ZNF701: variants seen among roughly 807,000 people sequenced by gnomAD.
The protein encoded by ZNF701 is zinc finger protein 701.
ZNF701 carries 6 observed loss-of-function variants against 7.1 expected under a neutral mutation model. That is an observed-to-expected ratio of 0.84 (90% CI 0.46 to 1.66). ZNF701 has a LOEUF of 1.66. Among genes scored for constraint, ZNF701 ranks in the 40% most tolerant of loss-of-function variants. The pLI is 0.01. For synonymous variants in ZNF701, 166 were observed against 188.2 expected (o/e 0.88, Z 0.97); for missense variants, 541 against 559.2 (o/e 0.97, Z 0.33).
the ZNF701 span, among the ~76,000 whole-genome samples, chr19:52,594,492 C>T: frequency 1.4e-5 from 2 of 148,134 alleles, no homozygotes; most frequent in East Asian, 4.0e-4. Flanking sequence ...CCGCACCTGG[C>T]CTTTTGTTCT....
At chr19:52,594,838 A>G in the ZNF701 span, among the ~76,000 whole-genome samples, 1 of 152,192 alleles carries the variant, frequency 6.6e-6, no homozygotes, top group African/African-American at 2.4e-5. Flanking sequence ...GGAGCATCAC[A>G]GAAGCATCTT....
intron 2 of ZNF701, among the ~76,000 whole-genome samples, chr19:52,574,937 A>C (rs1208507862): frequency 6.8e-6 from 1 of 147,462 alleles, no homozygotes; most frequent in East Asian, 1.9e-4. Context: ...CTCTTCAGTT[A>C]AACAAAATTT....
chr19:52,586,584 A>G lies in ZNF701; in HGVS notation c.*3127A>G, dbSNP rs910744903. On this transcript the variant is annotated 3_prime_UTR_variant, in exon 4 of 4. Coordinates refer to ENST00000391785, the MANE Select transcript of ZNF701 (RefSeq NM_018260.3). ...CTGGCATTTTGTAGAAGGATGGCCA[A>G]CGCAGCCTGTTGACCCTTCCTGGCC... The G allele has an allele frequency of 6.6e-6, 1 of 152,054 alleles. No homozygotes were observed. Among genetic ancestry groups the G allele is most frequent in the South Asian group, 2.1e-4 (1 of 4,814 alleles). 9.4% of individuals were successfully genotyped at this position (152,054 alleles called of 1,614,324 possible).
chr19:52,583,309 A>C lies in ZNF701; in HGVS notation c.1250A>C (p.Lys417Thr), dbSNP rs148924371. ...CGTTACAAGTGTAATGAATGTGGCA[A>C]GGTTTTTAATCACAAATCAAACCTT... is the stretch of plus-strand genomic sequence containing the variant. The part of the protein sequence containing the change: ...EKRYKCNECG[K>T]VFNHKSNLAC... The change falls in exon 4 of 4, where the codon AAG becomes ACG. Residue 417 changes from lysine to threonine, a missense_variant. Coordinates refer to ENST00000391785, the MANE Select transcript of ZNF701 (RefSeq NM_018260.3). 6.2e-7 allele frequency: 1 copy of C among 1,605,086 alleles called. No homozygotes were observed. Among genetic ancestry groups the C allele is most frequent in the Non-Finnish European group, 8.5e-7 (1 of 1,172,430 alleles).
At chr19:52,577,515 A>G (rs1019919513) in intron 3 of ZNF701, among the ~76,000 whole-genome samples, 2 of 151,700 alleles carry the variant, frequency 1.3e-5, no homozygotes, top group South Asian at 2.1e-4. Flanking sequence ...AGCTTTTAAT[A>G]TTACTCTTTG....
chr19:52,583,412 A>C lies in ZNF701; in HGVS notation c.1353A>C (p.Ser451=). 1 of 1,613,752 alleles carries C rather than the reference A, an allele frequency of 6.2e-7. No homozygotes were observed. Residue 451 remains serine, a synonymous_variant, in exon 4 of 4, where the codon TCA becomes TCC. Coordinates refer to ENST00000391785, the MANE Select transcript of ZNF701 (RefSeq NM_018260.3). Reference sequence around the variant, plus strand: ...GTGGCAAGGTTTTTAATCGAAAATCAAACCTTGAACGTCATCATAGACTTC... The same window carrying C: ...GTGGCAAGGTTTTTAATCGAAAATCCAACCTTGAACGTCATCATAGACTTC... ...NECGKVFNRK[S]NLERHHRLHT...
rs905693440 is a variant in ZNF701, at chr19:52,586,037, T to G, written c.*2580T>G. 4.5e-4 allele frequency: 67 copies of G among 149,732 alleles called. No homozygotes were observed. The highest frequency in any genetic ancestry group is 1.7e-3 in the African/African-American group (67 of 39,478). 9.3% of individuals were successfully genotyped at this position (149,732 alleles called of 1,614,324 possible). A position where few individuals can be genotyped will look rare whatever the true frequency, so the allele number is the denominator to read the frequency against. On this transcript the variant is annotated 3_prime_UTR_variant, in exon 4 of 4. Coordinates refer to ENST00000391785, the MANE Select transcript of ZNF701 (RefSeq NM_018260.3). ...CCCAGGACCCATGTGGTTTTTTTTGTTTTTGTTTTTGTTTTTTTGATGGAG... is the reference window on the plus strand; with the variant it reads ...CCCAGGACCCATGTGGTTTTTTTTGGTTTTGTTTTTGTTTTTTTGATGGAG...
downstream of ZNF701, among the ~76,000 whole-genome samples, chr19:52,587,760 C>A: frequency 6.6e-6 from 1 of 152,202 alleles, no homozygotes; most frequent in East Asian, 1.9e-4. Flanking sequence ...AGGCATTTTG[C>A]AAATATATCT....
chr19:52,576,517 G>A (rs2059935306), intron 3 of ZNF701, among the ~76,000 whole-genome samples: 1 of 152,102 alleles, frequency 6.6e-6, no homozygotes, highest in African/African-American at 2.4e-5. Flanking sequence ...TCCAGCCTGG[G>A]CAACAGAGCA....
At chr19:52,596,089 A>G in the ZNF701 span, 1 of 1,138,712 alleles carries the variant, frequency 8.8e-7, no homozygotes, top group South Asian at 1.3e-5. Flanking sequence ...CACAAATACA[A>G]GAAGTACACA....
rs185351062 is a variant in ZNF701, at chr19:52,571,492, A to G, written c.-72+1162A>G. 8.8e-4 allele frequency among the ~76,000 whole-genome samples: 134 copies of G among 152,238 alleles called. 1 individual carries two copies. The highest frequency in any genetic ancestry group is 3.5e-4 in the Non-Finnish European group (24 of 68,018). On this transcript the variant is annotated intron_variant, in intron 1 of 3. Coordinates refer to ENST00000391785, the MANE Select transcript of ZNF701 (RefSeq NM_018260.3). ...AGAATTGGGGAGAAGGAGCAACAAG[A>G]GATTAAATAAGACGTGAGGATGGAG... is the stretch of plus-strand genomic sequence containing the variant.
chr19:52,583,089 C>T lies in ZNF701; in HGVS notation c.1030C>T (p.His344Tyr). The change falls in exon 4 of 4, where the codon CAT becomes TAT. Residue 344 changes from histidine to tyrosine, a missense_variant. Coordinates refer to ENST00000391785, the MANE Select transcript of ZNF701 (RefSeq NM_018260.3). ...VFSRKSHLER[H>Y]RRIHTGEKPY... ...CAGTCGCAAATCACACCTTGAAAGA[C>T]ATAGGAGAATTCACACTGGAGAGAA... 6.2e-7 allele frequency: 1 copy of T among 1,613,638 alleles called. No individual in the cohort carries two copies. Among genetic ancestry groups the T allele is most frequent in the Non-Finnish European group, 8.5e-7 (1 of 1,179,846 alleles).
chr19:52,595,740 A>G, the ZNF701 span: 1 of 1,579,164 alleles, frequency 6.3e-7, no homozygotes, highest in Non-Finnish European at 8.7e-7. Flanking sequence ...TGCTTCCCAG[A>G]AATCAAGAAA....
downstream of ZNF701, among the ~76,000 whole-genome samples, chr19:52,591,461 G>GTGAGCC (rs1210826502): frequency 6.6e-6 from 1 of 152,142 alleles, no homozygotes; most frequent in African/African-American, 2.4e-5. Flanking sequence ...GATTACAGGT[G>GTGAGCC]TGAGCCCCAA....
Position 52,582,610 on chromosome 19 carries a change from C to G in ZNF701, c.551C>G (p.Pro184Arg). Residue 184 changes from proline (P) to arginine (R), a missense_variant, in exon 4 of 4, where the codon CCA becomes CGA. Transcript: ENST00000391785. ...VSASQRISCR[P>R]KTRISNKYRN... Reference sequence around the variant, plus strand: ...GCATCCCAACGAATTTCCTGTAGGCCAAAAACTCGTATTTCTAATAAGTAT... The same window carrying G: ...GCATCCCAACGAATTTCCTGTAGGCGAAAAACTCGTATTTCTAATAAGTAT... 6.2e-7 allele frequency: 1 copy of G among 1,614,112 alleles called. No homozygotes were observed. The highest frequency in any genetic ancestry group is 8.5e-7 in the Non-Finnish European group (1 of 1,180,020).
Position 52,576,030 on chromosome 19 carries a change from A to G in ZNF701, c.142+9A>G, listed in dbSNP as rs756087031. 3.0e-5 allele frequency: 47 copies of G among 1,589,566 alleles called. No individual in the cohort carries two copies. The highest frequency in any genetic ancestry group is 3.7e-5 in the Non-Finnish European group (44 of 1,174,002). ...GAACCTGGTCTCCCTGGGTGAGGAT[A>G]ACTTCCCTCCAGAAGTGGGGATGTG... On this transcript the variant is annotated intron_variant, in intron 3 of 3. Coordinates refer to ENST00000391785, the MANE Select transcript of ZNF701 (RefSeq NM_018260.3).
downstream of ZNF701, among the ~76,000 whole-genome samples, chr19:52,591,652 G>A (rs2060037313): frequency 6.6e-6 from 1 of 151,980 alleles, no homozygotes; most frequent in South Asian, 2.1e-4. Context: ...CCACACCTGT[G>A]TTCAAGCAAT....
rs1015499748 is a variant in ZNF701, at chr19:52,585,855, C to CT, written c.*2401dup. ...GCTTGGCCTTGGCCACTCCTGGGCT[C>CT]TTTCTCTTTCCACCTGCGACCTGGT... is the stretch of plus-strand genomic sequence containing the variant. On this transcript the variant is annotated 3_prime_UTR_variant, in exon 4 of 4. Transcript: ENST00000391785. 1 of 152,324 alleles carries CT rather than the reference C, an allele frequency of 6.6e-6. No homozygotes were observed. The highest frequency in any genetic ancestry group is 2.4e-5 in the African/African-American group (1 of 41,476). The allele number at this position is 152,324 out of a possible 1,614,324, so 9.4% of individuals were successfully genotyped here.
At chr19:52,591,901 T>G (rs1453316250), downstream of ZNF701, 6 of 345,420 alleles carry the variant, frequency 1.7e-5, no homozygotes, top group East Asian at 6.2e-5. Flanking sequence ...CCACAGTGAC[T>G]TAGGGGATTT....
Sources: gnomAD v4.1 joint callset for allele counts (sites outside exome capture counted in the v4.1 genomes callset) on GRCh38, gnomAD v4.1.1 for gene constraint, MANE v1.5 for transcripts, NCBI Gene and HGNC (gene_info 2026-07-23, HGNC 2026-07-21) for gene names.